The following FBXL20 variants were observed in gnomAD, a reference collection of about 807,000 sequenced individuals.
FBXL20 encodes the protein F-box/LRR-repeat protein 20.
FBXL20 carries 11 observed loss-of-function variants against 64.0 expected under a neutral mutation model. The ratio of observed to expected loss-of-function variants is 0.17; its 90% CI spans 0.11 to 0.28. FBXL20 has a LOEUF of 0.28. FBXL20 is among the 10% of genes least tolerant of loss of function. The pLI, the probability that FBXL20 is intolerant of heterozygous loss-of-function variation, is 1.00. For missense variants in FBXL20, 303 were observed against 526.2 expected (o/e 0.58, Z 4.15); for synonymous variants, 184 against 189.0 (o/e 0.97, Z 0.22).
chr17:39,316,549 T>C (rs2047294324), intron 2 of FBXL20, among the ~76,000 whole-genome samples: 1 of 152,204 alleles, frequency 6.6e-6, no homozygotes, highest in Non-Finnish European at 1.5e-5. Context: ...AAAGTCATGG[T>C]AACCAGCTTG....
At chr17:39,401,983 A>G (rs2048251729), upstream of FBXL20, 9 of 473,060 alleles carry the variant, frequency 1.9e-5, no homozygotes. Flanking sequence ...GCAGTACCGC[A>G]CTCTGCGCGG....
At chr17:39,386,578 C>T (rs2048082380) in intron 1 of FBXL20, among the ~76,000 whole-genome samples, 2 of 152,100 alleles carry the variant, frequency 1.3e-5, no homozygotes, top group Non-Finnish European at 2.9e-5. Context: ...GAGCTGAGAT[C>T]ACGTCACTGT....
chr17:39,283,170 T>A (rs1424192493), intron 7 of FBXL20, among the ~76,000 whole-genome samples: 2 of 152,192 alleles, frequency 1.3e-5, no homozygotes, highest in Admixed American at 1.3e-4. Flanking sequence ...TTAAGTGATT[T>A]ATTCTAGTTT....
chr17:39,326,115 C>A (rs1167770925), intron 2 of FBXL20, among the ~76,000 whole-genome samples: 1 of 152,076 alleles, frequency 6.6e-6, no homozygotes, highest in Non-Finnish European at 1.5e-5. Flanking sequence ...GCAAGCTCCC[C>A]CTTTGCCTTC....
Position 39,396,032 on chromosome 17 carries a change from T to C in FBXL20, c.42+5329A>G, listed in dbSNP as rs796403208. ...GGGGTTTTTTTTTTTTTTTAATTCA[T>C]TTGTTTTAGTAGGTGTTTCATGTAT... On this transcript the variant is annotated intron_variant, in intron 1 of 14. Coordinates refer to ENST00000264658, the MANE Select transcript of FBXL20 (RefSeq NM_032875.3). 9.4e-5 allele frequency among the ~76,000 whole-genome samples: 14 copies of C among 148,894 alleles called. 1 individual carries two copies. In the South Asian group the frequency reaches 1.7e-3, roughly 18 times the overall value.
chr17:39,288,462 T>C (rs780061832), intron 6 of FBXL20, among the ~76,000 whole-genome samples: 2 of 152,148 alleles, frequency 1.3e-5, no homozygotes, highest in Middle Eastern at 6.8e-3. Flanking sequence ...GTGTCCTGTC[T>C]TTTCATTTTC....
At chr17:39,305,972 A>G (rs1403366482) in intron 2 of FBXL20, among the ~76,000 whole-genome samples, 1 of 151,292 alleles carries the variant, frequency 6.6e-6, no homozygotes, top group East Asian at 2.0e-4. Flanking sequence ...GGGAGACAAG[A>G]GTGAGACTGT....
chr17:39,369,619 G>A (rs1202462597), intron 1 of FBXL20, among the ~76,000 whole-genome samples: 1 of 151,966 alleles, frequency 6.6e-6, no homozygotes, highest in Non-Finnish European at 1.5e-5. Context: ...CCAAAGTGCT[G>A]GGATTACAGA....
chr17:39,353,529 T>G (rs989216260), intron 1 of FBXL20, among the ~76,000 whole-genome samples: 1 of 152,148 alleles, frequency 6.6e-6, no homozygotes, highest in Non-Finnish European at 1.5e-5. Flanking sequence ...GGTTCTATAC[T>G]ATATGCAATT....
At chr17:39,402,156 CT>C, upstream of FBXL20, 1 of 1,233,204 alleles carries the variant, frequency 8.1e-7, no homozygotes, top group African/African-American at 1.5e-5. Context: ...ACCCAGCTCC[CT>C]TCCCCTGTCA....
chr17:39,285,433 G>T, intron 7 of FBXL20, 45 bp downstream of exon 7: 1 of 1,295,304 alleles, frequency 7.7e-7, no homozygotes, highest in South Asian at 1.4e-5. Context: ...TTTAAAATAT[G>T]TATTTTTTTT....
At chr17:39,292,185 T>C (rs949424051) in intron 6 of FBXL20, among the ~76,000 whole-genome samples, 1 of 150,640 alleles carries the variant, frequency 6.6e-6, no homozygotes, top group African/African-American at 2.5e-5. Flanking sequence ...TTGGCATACT[T>C]GTTTTATAAG....
intron 2 of FBXL20, among the ~76,000 whole-genome samples, chr17:39,321,002 CTTTT>C (rs889678007): frequency 6.6e-6 from 1 of 151,966 alleles, no homozygotes; most frequent in East Asian, 1.9e-4. Context: ...TTGCTAAGTT[CTTTT>C]TTTGTTTTTT....
intron 2 of FBXL20, among the ~76,000 whole-genome samples, chr17:39,327,779 C>A (rs1468567970): frequency 1.3e-5 from 2 of 152,110 alleles, no homozygotes; most frequent in Non-Finnish European, 2.9e-5. Flanking sequence ...CGGCTCACTG[C>A]AAGCTCCACC....
At chr17:39,267,182 G>A (rs1212816038) in intron 12 of FBXL20, among the ~76,000 whole-genome samples, 4 of 152,100 alleles carry the variant, frequency 2.6e-5, no homozygotes, top group African/African-American at 9.7e-5. Context: ...AACCTGGGAA[G>A]TGGAGGTTGC....
At position 39,291,365 on chromosome 17, in the gene FBXL20, GGAGGAGA is replaced by G. The variant is rs2047037187; in HGVS notation, c.398+5755_398+5761del. Among the ~76,000 whole-genome samples, 4 of 151,454 alleles carry G rather than the reference GGAGGAGA, an allele frequency of 2.6e-5. No homozygotes were observed. In the South Asian group the frequency reaches 8.4e-4, roughly 32 times the overall value. On this transcript the variant is annotated intron_variant, in intron 6 of 14. Transcript: ENST00000264658. ...TCCTTTTTGGTAGGTAGGGAGGGAG[GGAGGAGA>G]GAGGAGAGACTCTTTTCTAGCTCTC...
At chr17:39,319,669 A>G (rs1007597283) in intron 2 of FBXL20, among the ~76,000 whole-genome samples, 24 of 126,596 alleles carry the variant, frequency 1.9e-4, no homozygotes, top group East Asian at 6.9e-4. Context: ...GCAAGACTCC[A>G]TATCAAAAAA....
intron 1 of FBXL20, among the ~76,000 whole-genome samples, chr17:39,346,695 CTTT>C (rs112975808): frequency 1.3e-5 from 2 of 149,236 alleles, no homozygotes; most frequent in Non-Finnish European, 3.0e-5. Context: ...CTGACAATTA[CTTT>C]TTTTTTTATT....
At chr17:39,346,703 T>A (rs1449764626) in intron 1 of FBXL20, among the ~76,000 whole-genome samples, 1 of 152,080 alleles carries the variant, frequency 6.6e-6, no homozygotes, top group Non-Finnish European at 1.5e-5. Flanking sequence ...TACTTTTTTT[T>A]TTATTATACT....
Sources: allele counts gnomAD v4.1 joint callset (sites outside exome capture counted in the v4.1 genomes callset), GRCh38; gene constraint gnomAD v4.1.1; transcripts MANE v1.5; gene names NCBI Gene and HGNC (gene_info 2026-07-23, HGNC 2026-07-21).